NALF1: variants seen among roughly 807,000 people sequenced by gnomAD.
The protein encoded by NALF1 is family with sequence similarity 155 member A.
A neutral mutation model predicts 48.4 loss-of-function variants in NALF1; 3 were observed. The ratio of observed to expected loss-of-function variants is 0.06; its 90% CI spans 0.03 to 0.16. NALF1 has a LOEUF of 0.16. NALF1 is among the 10% of genes least tolerant of loss of function. NALF1 has a pLI of 1.00. For missense variants in NALF1, 526 were observed against 571.5 expected (o/e 0.92, Z 0.81); for synonymous variants, 262 against 245.7 (o/e 1.07, Z -0.62).
intron 1 of NALF1, among the ~76,000 whole-genome samples, chr13:107,681,485 T>TA (rs34641249): frequency 0.38 from 57,652 of 151,120 alleles, 11,322 homozygotes; most frequent in East Asian, 0.73. Flanking sequence ...GAGAAAAGTT[T>TA]AAAAAAAAAT....
At chr13:107,371,228 C>T (rs1883243070) in intron 1 of NALF1, among the ~76,000 whole-genome samples, 1 of 152,126 alleles carries the variant, frequency 6.6e-6, no homozygotes, top group Non-Finnish European at 1.5e-5. Context: ...GAGAGAATCG[C>T]TTGAGCACAA....
intron 1 of NALF1, among the ~76,000 whole-genome samples, chr13:107,441,398 G>GA (rs1188523086): frequency 6.6e-6 from 1 of 152,216 alleles, no homozygotes; most frequent in African/African-American, 2.4e-5. Flanking sequence ...TATAAAATGA[G>GA]CAAATGGCCT....
At chr13:107,682,526 T>C (rs544770355) in intron 1 of NALF1, among the ~76,000 whole-genome samples, 3 of 152,162 alleles carry the variant, frequency 2.0e-5, no homozygotes, top group African/African-American at 7.2e-5. Flanking sequence ...AAATATTTCA[T>C]CCCGAACGAG....
intron 1 of NALF1, among the ~76,000 whole-genome samples, chr13:107,445,964 G>C (rs958261447): frequency 5.3e-5 from 8 of 151,762 alleles, no homozygotes; most frequent in Non-Finnish European, 1.2e-4. Context: ...TTTTTAGATG[G>C]AATCTCGCTT....
intron 1 of NALF1, among the ~76,000 whole-genome samples, chr13:107,304,661 G>T (rs537746398): frequency 6.6e-6 from 1 of 152,294 alleles, no homozygotes; most frequent in African/African-American, 2.4e-5. Flanking sequence ...CTTAAGAGCA[G>T]GAGAAAAACA....
At position 107,384,980 on chromosome 13, in the gene NALF1, T is replaced by C. The variant is rs916505188; in HGVS notation, c.916-174225A>G. ...AGCACATTATTCCCTGTAAATCTGT[T>C]TCTCCATCTACAGAAAGTGGGTGGC... On this transcript the variant is annotated intron_variant, in intron 1 of 2. Transcript: ENST00000375915. 5.9e-5 allele frequency among the ~76,000 whole-genome samples: 9 copies of C among 152,184 alleles called. No individual in the cohort carries two copies. In the East Asian group the frequency reaches 9.6e-4, roughly 16 times the overall value.
At chr13:107,483,092 C>T (rs1885278469) in intron 1 of NALF1, among the ~76,000 whole-genome samples, 1 of 152,076 alleles carries the variant, frequency 6.6e-6, no homozygotes, top group East Asian at 1.9e-4. Flanking sequence ...TTGTGAGCTC[C>T]CGTATGTAAA....
chr13:107,752,991 T>C (rs1876981819), intron 1 of NALF1, among the ~76,000 whole-genome samples: 1 of 152,224 alleles, frequency 6.6e-6, no homozygotes. Context: ...TTGTTATGAA[T>C]TATTTTGTTC....
At chr13:107,671,475 A>C (rs1370130060) in intron 1 of NALF1, among the ~76,000 whole-genome samples, 1 of 152,124 alleles carries the variant, frequency 6.6e-6, no homozygotes, top group Non-Finnish European at 1.5e-5. Context: ...TAAATTAGTA[A>C]TGTAAAAATG....
At chr13:107,308,684 A>G (rs1317884096) in intron 1 of NALF1, among the ~76,000 whole-genome samples, 1 of 152,246 alleles carries the variant, frequency 6.6e-6, no homozygotes, top group Non-Finnish European at 1.5e-5. Context: ...AAGGAAATAC[A>G]AGTGCTCAGT....
intron 1 of NALF1, among the ~76,000 whole-genome samples, chr13:107,660,313 T>C (rs1247107911): frequency 6.6e-6 from 1 of 151,428 alleles, no homozygotes. Context: ...TGTGACCCTG[T>C]AATCCCAGCC....
chr13:107,400,183 T>C (rs1883780506), intron 1 of NALF1, among the ~76,000 whole-genome samples: 1 of 152,156 alleles, frequency 6.6e-6, no homozygotes, highest in Non-Finnish European at 1.5e-5. Flanking sequence ...ATCAGGCATA[T>C]TAACATATAT....
At chr13:107,217,089 T>C (rs779964243) in intron 1 of NALF1, among the ~76,000 whole-genome samples, 5 of 152,136 alleles carry the variant, frequency 3.3e-5, no homozygotes, top group Non-Finnish European at 7.4e-5. Flanking sequence ...TTAATAAACG[T>C]CTCATGTAAC....
At chr13:107,611,659 T>C (rs530344656) in intron 1 of NALF1, among the ~76,000 whole-genome samples, 8 of 151,950 alleles carry the variant, frequency 5.3e-5, no homozygotes, top group South Asian at 2.1e-4. Flanking sequence ...GGTGGGAGGA[T>C]TGCTTGAGGC....
chr13:107,174,019 C>T (rs570487352), intron 2 of NALF1, among the ~76,000 whole-genome samples: 62 of 152,226 alleles, frequency 4.1e-4, no homozygotes, highest in African/African-American at 1.2e-3. Flanking sequence ...CCAAGAGCTC[C>T]TTTGTGTTAT....
intron 1 of NALF1, among the ~76,000 whole-genome samples, chr13:107,363,320 G>A (rs1029055585): frequency 3.9e-5 from 6 of 152,190 alleles, no homozygotes; most frequent in African/African-American, 1.4e-4. Context: ...TTGGCTGGGT[G>A]TGATGGCTCA....
chr13:107,600,455 T>G (rs151136099), intron 1 of NALF1, among the ~76,000 whole-genome samples: 1 of 129,040 alleles, frequency 7.7e-6, no homozygotes, highest in Non-Finnish European at 1.6e-5. Context: ...TAATGTCTTT[T>G]AAAAAATGGC....
intron 1 of NALF1, among the ~76,000 whole-genome samples, chr13:107,580,040 A>T (rs1878261143): frequency 1.3e-5 from 2 of 152,054 alleles, no homozygotes; most frequent in African/African-American, 2.4e-5. Flanking sequence ...AAGACTTGGA[A>T]CCAACCCAAA....
chr13:107,702,990 A>G (rs1881860369), intron 1 of NALF1, among the ~76,000 whole-genome samples: 1 of 152,158 alleles, frequency 6.6e-6, no homozygotes, highest in Admixed American at 6.5e-5. Context: ...TATTGTGAAC[A>G]GTGCTGCGAT....
Sources: gnomAD v4.1 joint callset for allele counts (sites outside exome capture counted in the v4.1 genomes callset) on GRCh38, gnomAD v4.1.1 for gene constraint, MANE v1.5 for transcripts, NCBI Gene and HGNC (gene_info 2026-07-23, HGNC 2026-07-21) for gene names.